The following LRP1B variants were observed in gnomAD, a reference collection of about 807,000 sequenced individuals.
The protein encoded by LRP1B is low-density lipoprotein receptor-related protein 1B.
Under a neutral mutation model 556.6 loss-of-function variants are expected in LRP1B, and 217 were observed. That is an observed-to-expected ratio of 0.39 (90% CI 0.35 to 0.44). The LOEUF (loss-of-function observed/expected upper bound fraction) is 0.44. Ranked by LOEUF, LRP1B falls within the 20% of genes least tolerant of loss-of-function variation. The pLI is 1.00. For missense variants in LRP1B, 5,053 were observed against 5,620.8 expected (o/e 0.90, Z 3.23); for synonymous variants, 2,047 against 1,865.8 (o/e 1.10, Z -2.50).
At chr2:141,979,889 G>A (rs1303133547) in intron 1 of LRP1B, among the ~76,000 whole-genome samples, 5 of 152,026 alleles carry the variant, frequency 3.3e-5, no homozygotes, top group African/African-American at 1.2e-4. Context: ...CCCATTATCA[G>A]AAGAATATTA....
chr2:141,494,218 A>T lies in LRP1B; in HGVS notation c.206-13685T>A, dbSNP rs558855052. On this transcript the variant is annotated intron_variant, in intron 2 of 90. Transcript: ENST00000389484. ...GGTCCAAATACCATATGGTACAAGG[A>T]TCTGTCTTTCCATTTTTCAGCCTCA... Among the ~76,000 whole-genome samples the T allele has an allele frequency of 9.9e-5, 15 of 152,208 alleles. 1 individual carries two copies. In the South Asian group the frequency reaches 2.7e-3, roughly 27 times the overall value.
intron 3 of LRP1B, among the ~76,000 whole-genome samples, chr2:141,456,410 C>T (rs1433322604): frequency 6.6e-6 from 1 of 152,124 alleles, no homozygotes; most frequent in Non-Finnish European, 1.5e-5. Flanking sequence ...TCACATCATA[C>T]TATTTCAAAT....
intron 31 of LRP1B, among the ~76,000 whole-genome samples, chr2:140,828,789 C>CAAAAAAAA (rs57621380): frequency 3.8e-4 from 3 of 7,966 alleles, no homozygotes; most frequent in Non-Finnish European, 6.8e-4. Flanking sequence ...GACTCCGTCT[C>CAAAAAAAA]AAAAAAAAAA....
chr2:141,925,399 T>C (rs895763569), intron 1 of LRP1B, among the ~76,000 whole-genome samples: 12 of 152,212 alleles, frequency 7.9e-5, no homozygotes, highest in Admixed American at 3.9e-4. Context: ...AGGAAGGTCA[T>C]GCCTCTATGA....
chr2:141,682,088 G>C (rs1244694515), intron 2 of LRP1B, among the ~76,000 whole-genome samples: 2 of 151,992 alleles, frequency 1.3e-5, no homozygotes, highest in African/African-American at 4.8e-5. Flanking sequence ...GAAAAGTAAG[G>C]GGGGAACATA....
intron 4 of LRP1B, among the ~76,000 whole-genome samples, chr2:141,248,506 G>A (rs998550528): frequency 2.6e-5 from 4 of 152,138 alleles, no homozygotes; most frequent in Admixed American, 2.6e-4. Flanking sequence ...AGACTAAGCA[G>A]AAAGGGACAT....
intron 41 of LRP1B, among the ~76,000 whole-genome samples, chr2:140,628,121 G>A (rs768117815): frequency 3.9e-4 from 60 of 152,292 alleles, no homozygotes; most frequent in Non-Finnish European, 7.4e-4. Flanking sequence ...ATGAAATGCG[G>A]TGCCTTCACA....
intron 3 of LRP1B, among the ~76,000 whole-genome samples, chr2:141,469,348 T>C (rs2105064651): frequency 6.6e-6 from 1 of 152,336 alleles, no homozygotes; most frequent in Non-Finnish European, 1.5e-5. Context: ...CTTAATGTAT[T>C]GCAATATTCT....
chr2:141,545,863 C>A (rs1319348824), intron 2 of LRP1B, among the ~76,000 whole-genome samples: 3 of 152,146 alleles, frequency 2.0e-5, no homozygotes, highest in Non-Finnish European at 4.4e-5. Context: ...ATTTCCCCCA[C>A]ATATTCCATA....
At chr2:142,050,305 A>G (rs1211863264) in intron 1 of LRP1B, among the ~76,000 whole-genome samples, 1 of 152,156 alleles carries the variant, frequency 6.6e-6, no homozygotes, top group African/African-American at 2.4e-5. Flanking sequence ...TCTTAAAGCT[A>G]TAACAAGTAT....
intron 2 of LRP1B, among the ~76,000 whole-genome samples, chr2:141,512,019 T>C (rs1407174302): frequency 1.3e-5 from 2 of 152,084 alleles, no homozygotes; most frequent in Non-Finnish European, 2.9e-5. Flanking sequence ...ATAGGTAAAA[T>C]AATAATCACA....
At chr2:140,645,487 T>C (rs1684445835) in intron 41 of LRP1B, among the ~76,000 whole-genome samples, 2 of 151,586 alleles carry the variant, frequency 1.3e-5, no homozygotes, top group Admixed American at 1.3e-4. Flanking sequence ...AATTATTCTT[T>C]CTTTCTATAT....
chr2:141,735,517 A>AGGGGG (rs1403158573), intron 2 of LRP1B, among the ~76,000 whole-genome samples: 1 of 72,538 alleles, frequency 1.4e-5, no homozygotes, highest in Non-Finnish European at 2.8e-5. Flanking sequence ...TTTTTTTGGG[A>AGGGGG]GGGGGGAGGG....
intron 3 of LRP1B, among the ~76,000 whole-genome samples, chr2:141,341,799 A>G (rs1391216442): frequency 6.6e-6 from 1 of 152,176 alleles, no homozygotes; most frequent in Non-Finnish European, 1.5e-5. Flanking sequence ...TAAGATGGAA[A>G]GATCTTGGCC....
chr2:141,701,520 C>T, intron 2 of LRP1B, among the ~76,000 whole-genome samples: 1 of 151,684 alleles, frequency 6.6e-6, no homozygotes, highest in East Asian at 1.9e-4. Context: ...ATCTTGACGC[C>T]ATTACTTATA....
At chr2:141,261,519 T>C (rs1684684252) in intron 3 of LRP1B, among the ~76,000 whole-genome samples, 1 of 152,146 alleles carries the variant, frequency 6.6e-6, no homozygotes, top group South Asian at 2.1e-4. Flanking sequence ...AGTCAACCCA[T>C]TGCCCTGCTG....
chr2:141,632,917 C>A (rs963987984), intron 2 of LRP1B, among the ~76,000 whole-genome samples: 30 of 150,326 alleles, frequency 2.0e-4, no homozygotes, highest in Non-Finnish European at 5.9e-5. Context: ...GGGGCAGGAC[C>A]ATTATTTTTT....
At chr2:142,021,877 C>T (rs1470997740) in intron 1 of LRP1B, among the ~76,000 whole-genome samples, 3 of 152,064 alleles carry the variant, frequency 2.0e-5, no homozygotes, top group Non-Finnish European at 4.4e-5. Context: ...TAAATATTCT[C>T]AATCAGGTGA....
chr2:140,343,289 A>G (rs1228501548), intron 77 of LRP1B, among the ~76,000 whole-genome samples: 1 of 151,592 alleles, frequency 6.6e-6, no homozygotes, highest in African/African-American at 2.4e-5. Flanking sequence ...TCAAATTCAT[A>G]TATTGCTGAT....
Sources: gnomAD v4.1 joint callset for allele counts (sites outside exome capture counted in the v4.1 genomes callset) on GRCh38, gnomAD v4.1.1 for gene constraint, MANE v1.5 for transcripts, NCBI Gene and HGNC (gene_info 2026-07-23, HGNC 2026-07-21) for gene names.